FHIT: variants seen among roughly 807,000 people sequenced by gnomAD.
The protein encoded by FHIT is fragile histidine triad diadenosine triphosphatase.
In FHIT, 19 loss-of-function variants were observed where a neutral mutation model predicts 17.9. The observed-to-expected ratio is 1.06, with a 90% CI of 0.74 to 1.56. The LOEUF (loss-of-function observed/expected upper bound fraction) is 1.56. FHIT is among the 40% of genes most tolerant of loss of function. FHIT has a pLI of 0.00. For synonymous variants in FHIT, 81 were observed against 69.7 expected (o/e 1.16, Z -0.81); for missense variants, 248 against 189.2 (o/e 1.31, Z -1.82).
At chr3:61,021,870 C>T (rs936644785) in intron 3 of FHIT, among the ~76,000 whole-genome samples, 9 of 152,054 alleles carry the variant, frequency 5.9e-5, no homozygotes, top group Admixed American at 2.0e-4. Context: ...ATGTATAGCA[C>T]TAAATGCTCA....
At chr3:61,162,400 T>A (rs1457182642) in intron 2 of FHIT, among the ~76,000 whole-genome samples, 1 of 152,150 alleles carries the variant, frequency 6.6e-6, no homozygotes, top group Non-Finnish European at 1.5e-5. Context: ...TAAACTTGTG[T>A]TTAAAGGGAA....
chr3:61,209,177 G>A lies in FHIT; in HGVS notation c.-212-8512C>T, dbSNP rs576580490. ...TCTTCTGGCTTGTAGAGTTTCTGCCGAGAGATCCGCTGTTAGTCTGATGGG... is the reference window on the plus strand; with the variant it reads ...TCTTCTGGCTTGTAGAGTTTCTGCCAAGAGATCCGCTGTTAGTCTGATGGG... On this transcript the variant is annotated intron_variant, in intron 1 of 9. Coordinates refer to ENST00000492590, the MANE Select transcript of FHIT (RefSeq NM_002012.4). Among the ~76,000 whole-genome samples, 11 of 152,248 alleles carry A rather than the reference G, an allele frequency of 7.2e-5. No homozygotes were observed. The South Asian group carries it at 1.0e-3, about 14-fold the overall frequency.
chr3:60,909,826 C>T (rs1480764000), intron 3 of FHIT, among the ~76,000 whole-genome samples: 1 of 152,050 alleles, frequency 6.6e-6, no homozygotes, highest in Non-Finnish European at 1.5e-5. Context: ...TTAAAAGATA[C>T]CTAGTGATAT....
At chr3:61,109,120 C>T (rs78221620) in intron 2 of FHIT, among the ~76,000 whole-genome samples, 11,776 of 152,136 alleles carry the variant, frequency 0.077, 557 homozygotes, top group Middle Eastern at 0.17. Flanking sequence ...AGAAGAAATG[C>T]TGTTAAGTGT....
At chr3:59,960,369 T>C (rs1049478560) in intron 7 of FHIT, among the ~76,000 whole-genome samples, 1 of 152,170 alleles carries the variant, frequency 6.6e-6, no homozygotes, top group Non-Finnish European at 1.5e-5. Flanking sequence ...TTTGGGAAGA[T>C]GAGGAAGCAG....
intron 4 of FHIT, among the ~76,000 whole-genome samples, chr3:60,627,649 G>T (rs1175709030): frequency 1.3e-5 from 2 of 152,142 alleles, no homozygotes; most frequent in African/African-American, 4.8e-5. Flanking sequence ...TCAGCTTCCC[G>T]AGTAGCTGGG....
chr3:61,161,022 G>A lies in FHIT; in HGVS notation c.-164+39595C>T, dbSNP rs1297988645. Reference sequence around the variant, plus strand: ...GAAATTGTTCATAAATATTATGGAAGGCTTTTTGAGCTGTTTACTATTAGA... The same window carrying A: ...GAAATTGTTCATAAATATTATGGAAAGCTTTTTGAGCTGTTTACTATTAGA... On this transcript the variant is annotated intron_variant, in intron 2 of 9. Transcript: ENST00000492590. Among the ~76,000 whole-genome samples the A allele has an allele frequency of 2.0e-5, 3 of 151,938 alleles. No homozygotes were observed. In the East Asian group the frequency reaches 5.8e-4, roughly 29 times the overall value.
Position 60,696,442 on chromosome 3 carries a change from G to A in FHIT, c.-18+125477C>T, listed in dbSNP as rs555616232. 8.5e-5 allele frequency among the ~76,000 whole-genome samples: 13 copies of A among 152,230 alleles called. No homozygotes were observed. The South Asian group carries it at 2.3e-3, about 27-fold the overall frequency. On this transcript the variant is annotated intron_variant, in intron 4 of 9. Coordinates refer to ENST00000492590, the MANE Select transcript of FHIT (RefSeq NM_002012.4). ...CAAATGAATAATAAATCACCCCTGG[G>A]TTCAAGTGCTTGCCATGCAAAATTG...
chr3:61,012,359 T>C (rs1203415205), intron 3 of FHIT, among the ~76,000 whole-genome samples: 3 of 152,060 alleles, frequency 2.0e-5, no homozygotes, highest in South Asian at 2.1e-4. Flanking sequence ...CTCAATAAAA[T>C]TGAAGTAGAA....
intron 5 of FHIT, among the ~76,000 whole-genome samples, chr3:60,235,515 C>T (rs184730127): frequency 1.2e-4 from 19 of 152,278 alleles, no homozygotes; most frequent in Admixed American, 7.8e-4. Flanking sequence ...AGGCGTGAGC[C>T]ACCGTGCCCG....
intron 5 of FHIT, among the ~76,000 whole-genome samples, chr3:60,060,961 T>G (rs73840546): frequency 0.059 from 9,022 of 152,226 alleles, 838 homozygotes; most frequent in African/African-American, 0.2. Flanking sequence ...CTAGATATAT[T>G]AGAGTTTCTA....
At chr3:60,689,488 T>C (rs782181048) in intron 4 of FHIT, among the ~76,000 whole-genome samples, 11 of 152,188 alleles carry the variant, frequency 7.2e-5, no homozygotes, top group Admixed American at 2.0e-4. Flanking sequence ...TTATGCCATT[T>C]TATTCCAGGG....
chr3:61,186,314 G>C (rs533335442), intron 2 of FHIT, among the ~76,000 whole-genome samples: 14 of 152,336 alleles, frequency 9.2e-5, no homozygotes, highest in South Asian at 6.2e-4. Context: ...TGCCAAGCAA[G>C]ATTAAGTAGA....
At chr3:60,726,654 A>T (rs1413469432) in intron 4 of FHIT, among the ~76,000 whole-genome samples, 1 of 152,232 alleles carries the variant, frequency 6.6e-6, no homozygotes, top group Non-Finnish European at 1.5e-5. Flanking sequence ...TAAATACAAT[A>T]ATAATAGCTG....
At chr3:60,508,578 T>C (rs1461908087) in intron 5 of FHIT, among the ~76,000 whole-genome samples, 1 of 152,166 alleles carries the variant, frequency 6.6e-6, no homozygotes, top group African/African-American at 2.4e-5. Context: ...TTTTTTCTCT[T>C]TCCATATAAT....
chr3:60,117,002 A>G (rs538595731), intron 5 of FHIT, among the ~76,000 whole-genome samples: 22 of 152,314 alleles, frequency 1.4e-4, no homozygotes, highest in African/African-American at 5.1e-4. Flanking sequence ...AATTGTTATT[A>G]AATACATCTT....
At chr3:60,753,992 C>G (rs781830937) in intron 4 of FHIT, among the ~76,000 whole-genome samples, 7 of 151,846 alleles carry the variant, frequency 4.6e-5, no homozygotes, top group Non-Finnish European at 1.0e-4. Flanking sequence ...CCTTTCCCAG[C>G]AAAAGGAAAA....
At chr3:59,821,332 T>C (rs970849786) in intron 8 of FHIT, among the ~76,000 whole-genome samples, 1 of 152,112 alleles carries the variant, frequency 6.6e-6, no homozygotes. Context: ...TTATAAGAGG[T>C]CTTTGTTGGG....
chr3:59,801,543 AAAAAC>A (rs1343767125), intron 8 of FHIT, among the ~76,000 whole-genome samples: 5 of 152,196 alleles, frequency 3.3e-5, no homozygotes, highest in African/African-American at 1.2e-4. Context: ...TTTAAAAAAG[AAAAAC>A]AAAAGAAGAA....
Sources: allele counts gnomAD v4.1 joint callset (sites outside exome capture counted in the v4.1 genomes callset), GRCh38; gene constraint gnomAD v4.1.1; transcripts MANE v1.5; gene names NCBI Gene and HGNC (gene_info 2026-07-23, HGNC 2026-07-21).